The following FCRL5 variants were observed in gnomAD, a reference collection of about 807,000 sequenced individuals.
FCRL5 encodes the protein Fc receptor-like protein 5.
FCRL5 carries 79 observed loss-of-function variants against 92.1 expected under a neutral mutation model. That is an observed-to-expected ratio of 0.86 (90% CI 0.72 to 1.03). The LOEUF is 1.03. Ranked by LOEUF, FCRL5 falls within the 50% of genes least tolerant of loss-of-function variation. The pLI is 0.00. For synonymous variants in FCRL5, 466 were observed against 469.3 expected (o/e 0.99, Z 0.09); for missense variants, 1,160 against 1,181.1 (o/e 0.98, Z 0.26).
Position 157,527,742 on chromosome 1 carries a change from G to T in FCRL5, c.1835C>A (p.Ala612Asp). The T allele has an allele frequency of 6.2e-7, 1 of 1,614,186 alleles. No individual in the cohort carries two copies. The highest frequency in any genetic ancestry group is 1.1e-5 in the South Asian group (1 of 91,080). ...GAAAGAAGCTTCTCCTCCAGAGGGG[G>T]CTGAGCTGCTCCCCAGGGTGACATC... ...HEDVTLGSSSAPSGGEASFNL... is the reference protein window; with the variant it reads ...HEDVTLGSSSDPSGGEASFNL... The change falls in exon 9 of 17, where the codon GCC becomes GAC. Residue 612 changes from alanine to aspartate, a missense_variant. Ala to Asp is a moderately radical substitution (Grantham distance 126). Coordinates refer to ENST00000361835, the MANE Select transcript of FCRL5 (RefSeq NM_031281.3).
rs1464582648 is a variant in FCRL5, at chr1:157,520,976, A to G, written c.2515+41T>C. 3.2e-6 allele frequency: 5 copies of G among 1,563,118 alleles called. No homozygotes were observed. In the South Asian group the frequency reaches 4.9e-5, roughly 15 times the overall value. ...GGTTATCAGAGGGTCCGCGGAGGAA[A>G]CATTTTGTCCGCATCTGTGGCCCGG... On this transcript the variant is annotated intron_variant, in intron 11 of 16. Transcript: ENST00000361835.
chr1:157,546,429 C>A, intron 3 of FCRL5: 24 of 256,788 alleles, frequency 9.3e-5, no homozygotes, highest in Non-Finnish European at 1.4e-4. Flanking sequence ...GCCTGGGTGA[C>A]AGAGCGAGAC....
intron 8 of FCRL5, among the ~76,000 whole-genome samples, chr1:157,531,063 A>G (rs1650675442): frequency 6.6e-6 from 1 of 152,356 alleles, no homozygotes; most frequent in East Asian, 1.9e-4. Context: ...GGGAGAAAAT[A>G]TTTGCAAAGT....
At chr1:157,531,761 TA>T (rs1447079173) in intron 8 of FCRL5, among the ~76,000 whole-genome samples, 1 of 152,058 alleles carries the variant, frequency 6.6e-6, no homozygotes, top group African/African-American at 2.4e-5. Flanking sequence ...ATTTTGAATC[TA>T]AAAAAATACA....
chr1:157,539,146 A>G lies in FCRL5; in HGVS notation c.1342T>C (p.Cys448Arg). Residue 448 changes from cysteine (C) to arginine (R), a missense_variant, in exon 7 of 17, where the codon TGC becomes CGC. By Grantham distance (180) the Cys-to-Arg change is radical. Transcript: ENST00000361835. Reference sequence around the variant, plus strand: ...GGGCCAAAGCCATTGTCAGCTGTGCAGTAGTAGTTCCCTGAATGCTCTGCA... The same window carrying G: ...GGGCCAAAGCCATTGTCAGCTGTGCGGTAGTAGTTCCCTGAATGCTCTGCA... ...LTAEHSGNYYCTADNGFGPQR... is the reference protein window; with the variant it reads ...LTAEHSGNYYRTADNGFGPQR... 1 of 1,614,224 alleles carries G rather than the reference A, an allele frequency of 6.2e-7. No individual in the cohort carries two copies. The highest frequency in any genetic ancestry group is 8.5e-7 in the Non-Finnish European group (1 of 1,180,028).
chr1:157,524,416 C>G lies in FCRL5; in HGVS notation c.2102G>C (p.Gly701Ala). 2 of 1,614,186 alleles carry G rather than the reference C, an allele frequency of 1.2e-6. No individual in the cohort carries two copies. The highest frequency in any genetic ancestry group is 1.7e-5 in the Admixed American group (1 of 60,022). Residue 701 changes from glycine (G) to alanine (A), a missense_variant, in exon 10 of 17, where the codon GGT becomes GCT. Physicochemically the swap from Gly to Ala is moderately conservative, Grantham distance 60. Transcript: ENST00000361835. ...TCCTCCAGAGGGGGCTGAGATCTTA[C>G]CCAGGGTGACATCTTCATGATAAAA... ...YWFYHEDVTL[G>A]KISAPSGGGA...
At chr1:157,540,705 A>G (rs1433806476) in intron 6 of FCRL5, among the ~76,000 whole-genome samples, 1 of 152,164 alleles carries the variant, frequency 6.6e-6, no homozygotes, top group Non-Finnish European at 1.5e-5. Context: ...ACTTGGTTTT[A>G]ATCCCCAACA....
At chr1:157,529,311 G>T (rs1426323965) in intron 8 of FCRL5, among the ~76,000 whole-genome samples, 1 of 152,236 alleles carries the variant, frequency 6.6e-6, no homozygotes, top group Non-Finnish European at 1.5e-5. Context: ...ATGTTGGCAT[G>T]AATGTGGTGT....
At chr1:157,547,250 CT>C in intron 2 of FCRL5, 53 bp from the exon 3 acceptor site, 1 of 1,603,872 alleles carries the variant, frequency 6.2e-7, no homozygotes. Flanking sequence ...CAGACCCAGC[CT>C]CAGGGCCTCC....
chr1:157,524,583 C>G, intron 9 of FCRL5, 26 bp from the exon 10 acceptor site: 4 of 1,545,750 alleles, frequency 2.6e-6, no homozygotes, highest in Non-Finnish European at 3.5e-6. Flanking sequence ...CGTTATGTAT[C>G]AGCTGCTTCT....
intron 2 of FCRL5, among the ~76,000 whole-genome samples, chr1:157,548,829 T>C (rs372048115): frequency 6.6e-6 from 1 of 152,194 alleles, no homozygotes; most frequent in Admixed American, 6.5e-5. Context: ...ACTTTTACAC[T>C]GTTGGTGGGA....
intron 2 of FCRL5, among the ~76,000 whole-genome samples, chr1:157,548,549 A>T (rs948517722): frequency 8.5e-5 from 13 of 152,250 alleles, no homozygotes; most frequent in Admixed American, 7.8e-4. Flanking sequence ...ACAAAGGGCT[A>T]ATATCCAGAA....
At chr1:157,520,927 G>T in intron 11 of FCRL5, 90 bp downstream of exon 11, 2 of 1,424,432 alleles carry the variant, frequency 1.4e-6, no homozygotes, top group Non-Finnish European at 9.5e-7. Context: ...CCTGAGGAGT[G>T]CCTTTCTGAT....
At position 157,546,916 on chromosome 1, in the gene FCRL5, GTTGGTGCGTCT is replaced by G. The variant is rs768729462; in HGVS notation, c.307+16_307+26del. 1 of 1,602,182 alleles carries G rather than the reference GTTGGTGCGTCT, an allele frequency of 6.2e-7. No individual in the cohort carries two copies. The highest frequency in any genetic ancestry group is 1.1e-5 in the South Asian group (1 of 90,070). The stretch of plus-strand genomic sequence containing the variant: ...AACATGGGCTGAATTGATTTCTAAA[GTTGGTGCGTCT>G]TTCACGCTCTCTCACCTGAAGAAAA... On this transcript the variant is annotated intron_variant, in intron 3 of 16. Coordinates refer to ENST00000361835, the MANE Select transcript of FCRL5 (RefSeq NM_031281.3).
chr1:157,544,555 A>C lies in FCRL5; in HGVS notation c.560-9T>G. The C allele has an allele frequency of 6.2e-7, 1 of 1,611,966 alleles. No homozygotes were observed. The highest frequency in any genetic ancestry group is 8.5e-7 in the Non-Finnish European group (1 of 1,178,738). On this transcript the variant is annotated splice_polypyrimidine_tract_variant and intron_variant, in intron 4 of 16. Coordinates refer to ENST00000361835, the MANE Select transcript of FCRL5 (RefSeq NM_031281.3). ...TGGACGTGTAAATGGCTCTAGAGAGAAGAATCACAACAGTCCCAGAGCAAT... is the reference window on the plus strand; with the variant it reads ...TGGACGTGTAAATGGCTCTAGAGAGCAGAATCACAACAGTCCCAGAGCAAT...
chr1:157,528,871 T>TA (rs1650560154), intron 8 of FCRL5, among the ~76,000 whole-genome samples: 1 of 152,182 alleles, frequency 6.6e-6, no homozygotes. Context: ...GAATATACTT[T>TA]AAAAAACTCT....
intron 7 of FCRL5, among the ~76,000 whole-genome samples, chr1:157,536,794 G>C (rs533828342): frequency 1.3e-5 from 2 of 152,318 alleles, no homozygotes; most frequent in South Asian, 4.1e-4. Context: ...CGAATGGAGG[G>C]ACCAACTGAA....
intron 15 of FCRL5, among the ~76,000 whole-genome samples, chr1:157,517,124 T>C (rs974848326): frequency 3.9e-5 from 6 of 152,198 alleles, no homozygotes; most frequent in Non-Finnish European, 8.8e-5. Context: ...TGTTCCTCTT[T>C]CCTGCTCCGA....
chr1:157,547,357 C>T (rs1201701605), intron 2 of FCRL5, 160 bp from the exon 3 acceptor site: 3 of 922,790 alleles, frequency 3.3e-6, no homozygotes, highest in African/African-American at 1.6e-5. Context: ...GCCAGTGGCC[C>T]TCACCTCACC....
Sources: allele counts gnomAD v4.1 joint callset (sites outside exome capture counted in the v4.1 genomes callset), GRCh38; gene constraint gnomAD v4.1.1; transcripts MANE v1.5; gene names NCBI Gene and HGNC (gene_info 2026-07-23, HGNC 2026-07-21).